The following SERPINB5 variants were observed in gnomAD, a reference collection of about 807,000 sequenced individuals.
SERPINB5 encodes serpin B5.
Under a neutral mutation model 32.2 loss-of-function variants are expected in SERPINB5, and 27 were observed. That is an observed-to-expected ratio of 0.84 (90% CI 0.62 to 1.16). The LOEUF is 1.16. SERPINB5 is among the 50% of genes most tolerant of loss of function. SERPINB5 has a pLI of 0.00. For missense variants in SERPINB5, 388 were observed against 436.3 expected (o/e 0.89, Z 0.99); for synonymous variants, 154 against 157.4 (o/e 0.98, Z 0.16).
At chr18:63,501,650 G>C (rs1188664286) in intron 6 of SERPINB5, among the ~76,000 whole-genome samples, 1 of 152,042 alleles carries the variant, frequency 6.6e-6, no homozygotes, top group Admixed American at 6.5e-5. Flanking sequence ...ACTTGTTTAC[G>C]GTCCCACCAA....
intron 1 of SERPINB5, among the ~76,000 whole-genome samples, chr18:63,480,299 A>G (rs548225538): frequency 1.3e-5 from 2 of 152,348 alleles, no homozygotes; most frequent in South Asian, 4.1e-4. Flanking sequence ...TCCTATGGTT[A>G]AAATAAAGTT....
At chr18:63,487,225 T>A in intron 3 of SERPINB5, 142 bp downstream of exon 3, 2 of 806,202 alleles carry the variant, frequency 2.5e-6, no homozygotes, top group Non-Finnish European at 3.8e-6. Flanking sequence ...AAATAAATCC[T>A]AGTGGAGAGG....
rs1199156951 is a variant in SERPINB5, at chr18:63,503,405, C to T, written c.811C>T (p.Leu271Phe). ...PSTMANAKVK[L>F]SIPKFKVEKM... is the part of the protein sequence containing the mutation. The stretch of plus-strand genomic sequence containing the variant: ...CACCATGGCCAATGCCAAGGTCAAA[C>T]TCTCCATTCCAAAATTTAAGGTGGA... Residue 271 changes from leucine (L) to phenylalanine (F), a missense_variant, in exon 7 of 7, where the codon CTC (leucine) becomes TTC (phenylalanine). Coordinates refer to ENST00000382771, the MANE Select transcript of SERPINB5 (RefSeq NM_002639.5). 6.2e-7 allele frequency: 1 copy of T among 1,614,246 alleles called. No individual in the cohort carries two copies. The highest frequency in any genetic ancestry group is 8.5e-7 in the Non-Finnish European group (1 of 1,180,040).
intron 1 of SERPINB5, 48 bp from the exon 2 acceptor site, chr18:63,484,374 C>A: frequency 6.5e-7 from 1 of 1,533,212 alleles, no homozygotes; most frequent in Non-Finnish European, 8.8e-7. Flanking sequence ...GTTGAGAAGA[C>A]GTTAAAGATG....
At chr18:63,502,696 G>T (rs1909594142) in intron 6 of SERPINB5, among the ~76,000 whole-genome samples, 1 of 152,068 alleles carries the variant, frequency 6.6e-6, no homozygotes, top group South Asian at 2.1e-4. Flanking sequence ...GCAACATCAT[G>T]ATCCAGGCAT....
At chr18:63,486,261 G>C (rs892395742) in intron 2 of SERPINB5, among the ~76,000 whole-genome samples, 6 of 152,200 alleles carry the variant, frequency 3.9e-5, no homozygotes, top group Non-Finnish European at 8.8e-5. Flanking sequence ...GGTGGTGAAG[G>C]CTGGGATTCA....
At chr18:63,484,027 A>G (rs1003660134) in intron 1 of SERPINB5, among the ~76,000 whole-genome samples, 1 of 152,270 alleles carries the variant, frequency 6.6e-6, no homozygotes, top group Non-Finnish European at 1.5e-5. Flanking sequence ...TTTGTTTTAT[A>G]AAAGTTTTAA....
chr18:63,478,732 C>T (rs752216490), intron 1 of SERPINB5, among the ~76,000 whole-genome samples: 2 of 150,336 alleles, frequency 1.3e-5, no homozygotes, highest in East Asian at 1.9e-4. Context: ...ATGATATCTA[C>T]GATACTCTGA....
intron 4 of SERPINB5, among the ~76,000 whole-genome samples, chr18:63,491,839 G>A (rs894067610): frequency 3.9e-5 from 6 of 152,046 alleles, no homozygotes; most frequent in Admixed American, 2.0e-4. Flanking sequence ...GTCGTTTACC[G>A]GCTCCCACAC....
intron 4 of SERPINB5, chr18:63,490,818 A>C (rs1909317938): frequency 6.6e-6 from 1 of 152,190 alleles, no homozygotes; most frequent in Non-Finnish European, 1.5e-5. Flanking sequence ...AATTTTTAAA[A>C]TTGTATTATA....
chr18:63,493,347 G>A (rs1378218026), intron 5 of SERPINB5: 3 of 574,704 alleles, frequency 5.2e-6, no homozygotes, highest in Non-Finnish European at 9.2e-6. Context: ...GTAACCCAGC[G>A]AGGAAAGCTA....
At chr18:63,497,402 G>A (rs1909471977) in intron 5 of SERPINB5, 1 of 1,160,822 alleles carries the variant, frequency 8.6e-7, no homozygotes, top group Non-Finnish European at 1.3e-6. Context: ...GCCATGTGAA[G>A]CTCTGTGGGG....
At position 63,491,582 on chromosome 18, in the gene SERPINB5, C is replaced by G. The variant is rs142939209; in HGVS notation, c.425-1371C>G. ...CTCCGCCTCCCAGGTTCAAGGGATT[C>G]TCCTGTCTCAGCCTCCCAAGTAGCT... On this transcript the variant is annotated intron_variant, in intron 4 of 6. Transcript: ENST00000382771. Among the ~76,000 whole-genome samples the G allele has an allele frequency of 7.5e-3, 1,142 of 151,582 alleles. 12 individuals carry two copies. The highest frequency in any genetic ancestry group is 0.026 in the African/African-American group (1,055 of 41,326).
chr18:63,492,125 C>G (rs1909353849), intron 4 of SERPINB5, among the ~76,000 whole-genome samples: 1 of 152,170 alleles, frequency 6.6e-6, no homozygotes, highest in African/African-American at 2.4e-5. Flanking sequence ...TATAAAAAAC[C>G]TGTGGGCTAT....
In SERPINB5 at chr18:63,484,198, G is replaced by C. The variant is rs575316183; in HGVS notation, c.-7-224G>C. ...GTGGCTGAGCAGGCCCAAGACTGCAGAGTCTAGGCAGAGCTGGACACACAG... is the reference window on the plus strand; with the variant it reads ...GTGGCTGAGCAGGCCCAAGACTGCACAGTCTAGGCAGAGCTGGACACACAG... On this transcript the variant is annotated intron_variant, in intron 1 of 6. Coordinates refer to ENST00000382771, the MANE Select transcript of SERPINB5 (RefSeq NM_002639.5). 3.6e-4 allele frequency among the ~76,000 whole-genome samples: 55 copies of C among 152,344 alleles called. No individual in the cohort carries two copies. In the East Asian group the frequency reaches 7.9e-3, roughly 22 times the overall value.
chr18:63,503,506 C>G lies in SERPINB5; in HGVS notation c.912C>G (p.Phe304Leu), dbSNP rs2144513647. ...TCTTCAGTGAAGACACATCTGATTT[C>G]TCTGGAATGTCAGAGACCAAGGGAG... ...KHIFSEDTSDFSGMSETKGVA... is the reference protein window; with the variant it reads ...KHIFSEDTSDLSGMSETKGVA... The change falls in exon 7 of 7, where the codon TTC (phenylalanine) becomes TTG (leucine). Residue 304 changes from phenylalanine to leucine, a missense_variant. Phe to Leu is a conservative substitution (Grantham distance 22, BLOSUM62 0). Transcript: ENST00000382771. 1 of 1,614,184 alleles carries G rather than the reference C, an allele frequency of 6.2e-7. No homozygotes were observed.
At chr18:63,497,026 T>C in intron 5 of SERPINB5, 2 of 550,288 alleles carry the variant, frequency 3.6e-6, no homozygotes, top group South Asian at 2.8e-5. Context: ...TCTCCAGCTC[T>C]GATCCGCTGT....
At chr18:63,493,423 CTG>C (rs1442273038) in intron 5 of SERPINB5, 5 of 535,464 alleles carry the variant, frequency 9.3e-6, no homozygotes, top group African/African-American at 1.9e-5. Flanking sequence ...AGACCAAACT[CTG>C]TTATCAGAGG....
At chr18:63,502,663 A>G (rs551519244) in intron 6 of SERPINB5, among the ~76,000 whole-genome samples, 13 of 152,370 alleles carry the variant, frequency 8.5e-5, no homozygotes, top group African/African-American at 2.6e-4. Context: ...TTCTAATTTT[A>G]TATTCATTTC....
Sources: gnomAD v4.1 joint callset for allele counts (sites outside exome capture counted in the v4.1 genomes callset) on GRCh38, gnomAD v4.1.1 for gene constraint, MANE v1.5 for transcripts, NCBI Gene and HGNC (gene_info 2026-07-23, HGNC 2026-07-21) for gene names.